UBE2D3: variants seen among roughly 807,000 people sequenced by gnomAD.
UBE2D3 encodes the protein ubiquitin conjugating enzyme E2 D3, also known as ubiquitin-conjugating enzyme E2 D3.
UBE2D3 carries 2 observed loss-of-function variants against 22.8 expected under a neutral mutation model. That is an observed-to-expected ratio of 0.09 (90% CI 0.04 to 0.28). The LOEUF is 0.28. UBE2D3 is among the 10% of genes least tolerant of loss of function. UBE2D3 has a pLI of 1.00. For synonymous variants in UBE2D3, 56 were observed against 60.4 expected, an observed-to-expected ratio of 0.93 and a Z score of 0.34; for missense variants, 27 against 182.5, an observed-to-expected ratio of 0.15 and a Z score of 4.91.
chr4:102,798,536 T>C (rs1217023059), intron 7 of UBE2D3, among the ~76,000 whole-genome samples: 2 of 151,602 alleles, frequency 1.3e-5, no homozygotes, highest in Non-Finnish European at 2.9e-5. Context: ...GAACATTTAG[T>C]TTAGATGCTT....
At chr4:102,868,072 CTT>C (rs11418599) in intron 1 of UBE2D3, among the ~76,000 whole-genome samples, 9 of 115,242 alleles carry the variant, frequency 7.8e-5, no homozygotes, top group Non-Finnish European at 6.7e-5. Context: ...GCTTTAGATT[CTT>C]TTTTTTTTTT....
At chr4:102,814,192 T>C (rs980452083) in intron 2 of UBE2D3, among the ~76,000 whole-genome samples, 3 of 152,124 alleles carry the variant, frequency 2.0e-5, no homozygotes, top group African/African-American at 7.2e-5. Context: ...TACATGGCTT[T>C]TGGCCTTCAA....
At chr4:102,862,605 G>A (rs761523998) in intron 1 of UBE2D3, among the ~76,000 whole-genome samples, 13 of 152,146 alleles carry the variant, frequency 8.5e-5, no homozygotes, top group Admixed American at 5.9e-4. Context: ...AAGAGAATGC[G>A]TAGATTGTGT....
At chr4:102,816,712 T>C (rs1339001356) in intron 2 of UBE2D3, among the ~76,000 whole-genome samples, 1 of 152,188 alleles carries the variant, frequency 6.6e-6, no homozygotes, top group Non-Finnish European at 1.5e-5. Flanking sequence ...TAAAATTGAA[T>C]TAGGAGTAAC....
chr4:102,826,289 T>G (rs1231174310), intron 2 of UBE2D3, among the ~76,000 whole-genome samples, 196 bp downstream of exon 2: 2 of 152,214 alleles, frequency 1.3e-5, no homozygotes, highest in African/African-American at 4.8e-5. Flanking sequence ...ACACCTCACT[T>G]GCCACAAGTG....
upstream of UBE2D3, among the ~76,000 whole-genome samples, chr4:102,828,375 C>CT (rs1267026721): frequency 6.6e-6 from 1 of 152,050 alleles, no homozygotes; most frequent in East Asian, 1.9e-4. Flanking sequence ...GAGGAGGCGC[C>CT]CCTCGAGATG....
intron 4 of UBE2D3, among the ~76,000 whole-genome samples, chr4:102,804,089 C>T (rs1726631314): frequency 6.6e-6 from 1 of 152,022 alleles, no homozygotes; most frequent in African/African-American, 2.4e-5. Context: ...TAAAGTGAGT[C>T]CTTCTCCATC....
At chr4:102,841,742 A>G (rs1368639133) in intron 1 of UBE2D3, among the ~76,000 whole-genome samples, 2 of 152,192 alleles carry the variant, frequency 1.3e-5, no homozygotes, top group African/African-American at 4.8e-5. Context: ...AGGCAGGTCA[A>G]ATGACTTGCC....
chr4:102,867,315 G>T (rs547201833), intron 1 of UBE2D3, among the ~76,000 whole-genome samples: 1 of 152,288 alleles, frequency 6.6e-6, no homozygotes, highest in African/African-American at 2.4e-5. Flanking sequence ...GGGGAAAAAT[G>T]GAAAGTATTT....
chr4:102,816,292 A>G (rs1245860285), intron 2 of UBE2D3, among the ~76,000 whole-genome samples: 1 of 152,200 alleles, frequency 6.6e-6, no homozygotes, highest in Non-Finnish European at 1.5e-5. Flanking sequence ...GAGTTTCCAA[A>G]TCAAAGGGAC....
Position 102,797,359 on chromosome 4 carries a change from A to T in UBE2D3, c.*56T>A, listed in dbSNP as rs1725372193. 7.0e-7 allele frequency: 1 copy of T among 1,435,854 alleles called. No individual in the cohort carries two copies. Among genetic ancestry groups the T allele is most frequent in the Admixed American group, 2.1e-5 (1 of 47,646 alleles). 88.9% of individuals were successfully genotyped at this position (1,435,854 alleles called of 1,614,324 possible). ...CGGATAAGAAAATCAAAAAAGGAAC[A>T]GTAATTTAAAGTTTATTCCAGCTAT... On this transcript the variant is annotated 3_prime_UTR_variant, in exon 8 of 8. Transcript: ENST00000453744.
chr4:102,803,879 C>A (rs1271253479), intron 4 of UBE2D3, among the ~76,000 whole-genome samples: 1 of 152,232 alleles, frequency 6.6e-6, no homozygotes, highest in African/African-American at 2.4e-5. Context: ...AGCAACTCTC[C>A]TGCCTCAGCC....
upstream of UBE2D3, among the ~76,000 whole-genome samples, chr4:102,829,750 C>T (rs954594271): frequency 6.6e-6 from 1 of 152,016 alleles, no homozygotes; most frequent in Non-Finnish European, 1.5e-5. Context: ...CCAGCCTGGC[C>T]AAAACAGTGA....
rs559720525 is a variant in UBE2D3 at position 102,867,046 on chromosome 4, C to CCTTTGT, written c.-129+1668_-129+1669insACAAAG. Among the ~76,000 whole-genome samples, 204 of 152,316 alleles carry CCTTTGT rather than the reference C, an allele frequency of 1.3e-3. No homozygotes were observed. The Middle Eastern group carries it at 0.017, about 13-fold the overall frequency. ...CTTTTAAACATCACTTTGTATACAC[C>CCTTTGT]ATCTTCTATACTGCCCTAGCTCAAA... On this transcript the variant is annotated intron_variant, in intron 1 of 7. Coordinates refer to the UBE2D3 transcript ENST00000338145.
intron 1 of UBE2D3, among the ~76,000 whole-genome samples, chr4:102,844,834 C>G (rs1261204137): frequency 6.6e-6 from 1 of 151,954 alleles, no homozygotes; most frequent in Non-Finnish European, 1.5e-5. Context: ...TCCTGGATAA[C>G]ATGGTGAAAC....
intron 1 of UBE2D3, among the ~76,000 whole-genome samples, chr4:102,856,541 T>G (rs1732627816): frequency 6.6e-6 from 1 of 152,172 alleles, no homozygotes; most frequent in South Asian, 2.1e-4. Flanking sequence ...AACCTTTTTA[T>G]CCAGAGATAT....
At chr4:102,804,821 T>C (rs1726776531) in intron 4 of UBE2D3, among the ~76,000 whole-genome samples, 1 of 151,812 alleles carries the variant, frequency 6.6e-6, no homozygotes, top group South Asian at 2.1e-4. Context: ...ACTACAGGAG[T>C]GAACCACCAC....
intron 1 of UBE2D3, among the ~76,000 whole-genome samples, chr4:102,853,135 A>ATTT (rs151339235): frequency 6.1e-4 from 54 of 88,594 alleles, no homozygotes; most frequent in Middle Eastern, 8.9e-3. Context: ...AAACACACAC[A>ATTT]TTTTTTTTTT....
intron 1 of UBE2D3, among the ~76,000 whole-genome samples, chr4:102,846,005 G>A (rs755278935): frequency 7.2e-5 from 11 of 152,142 alleles, no homozygotes; most frequent in Non-Finnish European, 1.2e-4. Flanking sequence ...TGGCCAGGCT[G>A]GTCTCGGACT....
Sources: allele counts gnomAD v4.1 joint callset (sites outside exome capture counted in the v4.1 genomes callset), GRCh38; gene constraint gnomAD v4.1.1; transcripts MANE v1.5; gene names NCBI Gene and HGNC (gene_info 2026-07-23, HGNC 2026-07-21).